The following C20orf203 variants were observed in gnomAD, a reference collection of about 807,000 sequenced individuals.
C20orf203 encodes the protein chromosome 20 open reading frame 203, also known as uncharacterized protein C20orf203.
Under a neutral mutation model 15.9 loss-of-function variants are expected in C20orf203, and 16 were observed. The observed-to-expected ratio is 1.01, with a 90% confidence interval of 0.68 to 1.53. The LOEUF (loss-of-function observed/expected upper bound fraction) is 1.53, where lower values mean the gene tolerates loss of function less well. C20orf203 is among the 40% of genes most tolerant of loss of function. The pLI, the probability that C20orf203 is intolerant of heterozygous loss-of-function variation, is 0.00. For synonymous variants in C20orf203, 98 were observed against 97.2 expected, an observed-to-expected ratio of 1.01 and a Z score of -0.05; for missense variants, 263 against 247.5, an observed-to-expected ratio of 1.06 and a Z score of -0.42.
chr20:32,648,506 C>T (rs1371135891), intron 4 of C20orf203, among the ~76,000 whole-genome samples: 5 of 134,754 alleles, frequency 3.7e-5, no homozygotes, highest in Admixed American at 9.1e-5. Flanking sequence ...AGTAGTGTGA[C>T]GGTGGCTCAC....
chr20:32,647,577 C>T (rs8118177), intron 4 of C20orf203, among the ~76,000 whole-genome samples: 2,787 of 151,950 alleles, frequency 0.018, 83 homozygotes, highest in African/African-American at 0.062. Flanking sequence ...TTTTAGCACA[C>T]GCCTGTAGTC....
intron 4 of C20orf203, among the ~76,000 whole-genome samples, chr20:32,643,545 G>A (rs576089535): frequency 1.2e-4 from 18 of 151,702 alleles, no homozygotes; most frequent in Non-Finnish European, 2.4e-4. Flanking sequence ...TCTAACTCAC[G>A]GGATGCTCTA....
At chr20:32,634,451 C>T (rs1374200970) in intron 5 of C20orf203, among the ~76,000 whole-genome samples, 181 bp from the exon 6 acceptor site, 1 of 152,156 alleles carries the variant, frequency 6.6e-6, no homozygotes, top group Non-Finnish European at 1.5e-5. Context: ...GCCCAGCACC[C>T]TCCCGAGTAC....
chr20:32,648,447 T>G (rs1982498708), intron 4 of C20orf203, among the ~76,000 whole-genome samples: 1 of 128,304 alleles, frequency 7.8e-6, no homozygotes, highest in Admixed American at 7.7e-5. Flanking sequence ...TTTTTTTTTT[T>G]TTTTTTTTTT....
At chr20:32,659,480 T>C (rs951817739) in intron 1 of C20orf203, among the ~76,000 whole-genome samples, 4 of 152,244 alleles carry the variant, frequency 2.6e-5, no homozygotes, top group African/African-American at 9.6e-5. Flanking sequence ...TGACCTGAAG[T>C]GATGGGTGGG....
chr20:32,668,999 G>T (rs1403554510), intron 1 of C20orf203, among the ~76,000 whole-genome samples: 1 of 152,178 alleles, frequency 6.6e-6, no homozygotes, highest in African/African-American at 2.4e-5. Context: ...CAAAATCGAA[G>T]TTTTCCAGTT....
intron 4 of C20orf203, among the ~76,000 whole-genome samples, chr20:32,643,733 A>G (rs1017578889): frequency 2.6e-5 from 4 of 151,392 alleles, no homozygotes; most frequent in African/African-American, 9.7e-5. Context: ...TTGTTTCTCA[A>G]ATTTATTTGA....
At chr20:32,645,717 G>T (rs1414479355) in intron 4 of C20orf203, among the ~76,000 whole-genome samples, 1 of 152,236 alleles carries the variant, frequency 6.6e-6, no homozygotes, top group Non-Finnish European at 1.5e-5. Context: ...CAGGCTGTCT[G>T]AGAGGCAGGC....
intron 1 of C20orf203, among the ~76,000 whole-genome samples, chr20:32,662,668 C>G (rs1202525201): frequency 6.6e-6 from 1 of 151,936 alleles, no homozygotes; most frequent in Non-Finnish European, 1.5e-5. Flanking sequence ...AGGGGTCCTT[C>G]TCAGTGTGAA....
intron 1 of C20orf203, among the ~76,000 whole-genome samples, chr20:32,673,382 G>A (rs575677087): frequency 2.6e-5 from 4 of 152,232 alleles, no homozygotes; most frequent in East Asian, 1.9e-4. Context: ...AGTGGCTGGC[G>A]CCTCAGCCAT....
intron 4 of C20orf203, among the ~76,000 whole-genome samples, chr20:32,642,776 C>T (rs1376984388): frequency 6.6e-6 from 1 of 152,206 alleles, no homozygotes; most frequent in Non-Finnish European, 1.5e-5. Flanking sequence ...GCATCTTGAA[C>T]ACCCAGCTCT....
At chr20:32,641,908 G>A (rs1418006560) in intron 4 of C20orf203, among the ~76,000 whole-genome samples, 3 of 152,106 alleles carry the variant, frequency 2.0e-5, no homozygotes, top group Admixed American at 2.0e-4. Flanking sequence ...CACGATCTCG[G>A]CTCAGTGCAA....
At chr20:32,642,473 G>A in intron 4 of C20orf203, among the ~76,000 whole-genome samples, 1 of 152,218 alleles carries the variant, frequency 6.6e-6, no homozygotes. Context: ...AACTGCTGAG[G>A]CCCAGCTCCA....
At chr20:32,669,382 C>A (rs1352283070) in intron 1 of C20orf203, among the ~76,000 whole-genome samples, 1 of 152,204 alleles carries the variant, frequency 6.6e-6, no homozygotes, top group South Asian at 2.1e-4. Context: ...TTCTGGCTGA[C>A]CTGCTCCCTT....
chr20:32,637,959 C>A (rs146652196), intron 5 of C20orf203, among the ~76,000 whole-genome samples: 2,065 of 151,598 alleles, frequency 0.014, 39 homozygotes, highest in Non-Finnish European at 0.016. Flanking sequence ...CGTGTGTGTG[C>A]GCCCATGTGT....
chr20:32,664,940 T>G (rs1432341119), intron 1 of C20orf203, among the ~76,000 whole-genome samples: 2 of 152,246 alleles, frequency 1.3e-5, no homozygotes, highest in African/African-American at 2.4e-5. Context: ...CGTGCTAGTG[T>G]GCAGCAGGGC....
intron 1 of C20orf203, among the ~76,000 whole-genome samples, chr20:32,666,030 G>A (rs896980780): frequency 6.6e-6 from 1 of 151,994 alleles, no homozygotes; most frequent in Non-Finnish European, 1.5e-5. Context: ...CTACTCAGGA[G>A]GCTGAGGCAG....
Position 32,651,006 on chromosome 20 carries a change from A to G in C20orf203, c.135+12T>C. On this transcript the variant is annotated intron_variant, in intron 3 of 5. Coordinates refer to ENST00000608990, the MANE Select transcript of C20orf203 (RefSeq NM_182584.4). ...CAGCCCAGGTGTGGGAGACAGGGAC[A>G]GCACTTCTTACCCGGCTCAGCATTC... The G allele has an allele frequency of 6.8e-7, 1 of 1,478,050 alleles. No individual in the cohort carries two copies. Among genetic ancestry groups the G allele is most frequent in the Non-Finnish European group, 9.0e-7 (1 of 1,109,980 alleles). 91.6% of individuals were successfully genotyped at this position (1,478,050 alleles called of 1,614,324 possible).
At chr20:32,648,887 C>G (rs1188243433) in intron 4 of C20orf203, among the ~76,000 whole-genome samples, 1 of 152,152 alleles carries the variant, frequency 6.6e-6, no homozygotes, top group Non-Finnish European at 1.5e-5. Flanking sequence ...GGTAAGTGGT[C>G]AAAACCAAGA....
Sources: allele counts gnomAD v4.1 joint callset (sites outside exome capture counted in the v4.1 genomes callset), GRCh38; gene constraint gnomAD v4.1.1; transcripts MANE v1.5; gene names NCBI Gene and HGNC (gene_info 2026-07-23, HGNC 2026-07-21).